NAGLU: variants seen among roughly 807,000 people sequenced by gnomAD.
The protein encoded by NAGLU is N-acetyl-alpha-glucosaminidase.
Under a neutral mutation model 43.4 loss-of-function variants are expected in NAGLU, and 34 were observed. The ratio of observed to expected loss-of-function variants is 0.78; its 90% CI spans 0.60 to 1.04. The LOEUF is 1.04. Ranked by LOEUF, NAGLU falls within the 50% of genes least tolerant of loss-of-function variation. NAGLU has a pLI of 0.00. For missense variants in NAGLU, 910 were observed against 993.7 expected, an observed-to-expected ratio of 0.92 and a Z score of 1.13; for synonymous variants, 425 against 437.6, an observed-to-expected ratio of 0.97 and a Z score of 0.36.
chr17:42,539,829 G>C (rs2092916873), intron 4 of NAGLU, among the ~76,000 whole-genome samples: 1 of 152,184 alleles, frequency 6.6e-6, no homozygotes, highest in Non-Finnish European at 1.5e-5. Flanking sequence ...AATGAGTGTT[G>C]CTTGGACGGA....
chr17:42,542,182 C>T (rs549434053), intron 5 of NAGLU, among the ~76,000 whole-genome samples: 1 of 152,242 alleles, frequency 6.6e-6, no homozygotes, highest in African/African-American at 2.4e-5. Flanking sequence ...CCTGCCTCAG[C>T]CTCCTGAGTA....
In NAGLU at chr17:42,536,320, C is replaced by CGGGGCCG. The variant is rs2143075344; in HGVS notation, c.54_60dup (p.Ala21ArgfsTer173). On this transcript the variant is annotated frameshift_variant, in exon 1 of 6. Transcript: ENST00000225927. LOFTEE classifies it high-confidence loss of function. ...CGGCGGTGGGGGTCCTTCTCCTGGC[C>CGGGGCCG]GGGGCCGGGGGCGCGGCAGGCGACG... 4.1e-6 allele frequency: 5 copies of CGGGGCCG among 1,217,716 alleles called. No homozygotes were observed. The highest frequency in any genetic ancestry group is 5.1e-6 in the Non-Finnish European group (5 of 979,366). 75.4% of individuals were successfully genotyped at this position (1,217,716 alleles called of 1,614,324 possible).
chr17:42,537,613 C>T (rs2092910360), intron 2 of NAGLU, 68 bp downstream of exon 2: 1 of 1,582,556 alleles, frequency 6.3e-7, no homozygotes, highest in African/African-American at 1.3e-5. Flanking sequence ...TTTCACCCGC[C>T]CCCCAGCATG....
At chr17:42,537,632 G>C in intron 2 of NAGLU, 87 bp downstream of exon 2, 1 of 1,540,320 alleles carries the variant, frequency 6.5e-7, no homozygotes, top group East Asian at 2.3e-5. Flanking sequence ...TGGGCGCAGT[G>C]TCTCTCTCTA....
Position 42,541,062 on chromosome 17 carries a change from A to G in NAGLU, c.877A>G (p.Ser293Gly). Residue 293 changes from serine to glycine, a missense_variant, in exon 5 of 6, where the codon AGC becomes GGC. By Grantham distance (56) the Ser-to-Gly change is moderately conservative (BLOSUM62 0). Coordinates refer to ENST00000225927, the MANE Select transcript of NAGLU (RefSeq NM_000263.4). Reference sequence around the variant, plus strand: ...AGACCCCATATTCCCCATCATCGGGAGCCTCTTCCTGCGAGAGCTGATCAA... The same window carrying G: ...AGACCCCATATTCCCCATCATCGGGGGCCTCTTCCTGCGAGAGCTGATCAA... ...PEDPIFPIIG[S>G]LFLRELIKEF... 6.2e-7 allele frequency: 1 copy of G among 1,614,104 alleles called. No individual in the cohort carries two copies. Among genetic ancestry groups the G allele is most frequent in the African/African-American group, 1.3e-5 (1 of 75,014 alleles).
rs1421818277 is a variant in NAGLU at position 42,536,332 on chromosome 17, C to T, written c.60C>T (p.Gly20=). Reference sequence around the variant, plus strand: ...TCCTTCTCCTGGCCGGGGCCGGGGGCGCGGCAGGCGACGAGGCCCGGGAGG... The same window carrying T: ...TCCTTCTCCTGGCCGGGGCCGGGGGTGCGGCAGGCGACGAGGCCCGGGAGG... ...VGVLLLAGAG[G]AAGDEAREAA... The change falls in exon 1 of 6, where the codon GGC becomes GGT. Residue 20 remains glycine (G), a synonymous_variant. Coordinates refer to ENST00000225927, the MANE Select transcript of NAGLU (RefSeq NM_000263.4). The T allele has an allele frequency of 8.2e-7, 1 of 1,213,624 alleles. No homozygotes were observed. Among genetic ancestry groups the T allele is most frequent in the Non-Finnish European group, 1.0e-6 (1 of 976,918 alleles). The allele number at this position is 1,213,624 out of a possible 1,614,324, so 75.2% of individuals were successfully genotyped here. A position where few individuals can be genotyped will look rare whatever the true frequency, so the allele number is the denominator to read the frequency against.
At position 42,543,506 on chromosome 17, in the gene NAGLU, T is replaced by C. The variant is rs1225039564; in HGVS notation, c.1500T>C (p.Ser500=). The C allele has an allele frequency of 1.2e-6, 2 of 1,604,338 alleles. No individual in the cohort carries two copies. Among genetic ancestry groups the C allele is most frequent in the Non-Finnish European group, 1.7e-6 (2 of 1,177,462 alleles). The change falls in exon 6 of 6, where the codon AGT becomes AGC. Residue 500 remains serine, a synonymous_variant. Coordinates refer to ENST00000225927, the MANE Select transcript of NAGLU (RefSeq NM_000263.4). ...AGAAWRLLLR[S]VYNCSGEACR... is the part of the protein sequence containing the mutation. ...CAGCGTGGAGGCTACTGCTCCGGAG[T>C]GTGTACAACTGCTCCGGGGAGGCCT...
chr17:42,544,213 C>G lies in NAGLU; in HGVS notation c.2207C>G (p.Pro736Arg). Residue 736 changes from proline (P) to arginine (R), a missense_variant, in exon 6 of 6, where the codon CCC becomes CGC. Pro to Arg is a moderately radical substitution (Grantham distance 103, BLOSUM62 -2). Coordinates refer to ENST00000225927, the MANE Select transcript of NAGLU (RefSeq NM_000263.4). ...LAKKIFLKYY[P>R]RWVAGSW ...AAGAAGATCTTCCTCAAATATTACC[C>G]CCGCTGGGTGGCCGGCTCTTGGTGA... 6.2e-7 allele frequency: 1 copy of G among 1,611,954 alleles called. No homozygotes were observed. Among genetic ancestry groups the G allele is most frequent in the Non-Finnish European group, 8.5e-7 (1 of 1,180,006 alleles).
intron 2 of NAGLU, 93 bp downstream of exon 2, chr17:42,537,638 C>A: frequency 1.3e-6 from 2 of 1,520,532 alleles, no homozygotes; most frequent in South Asian, 2.3e-5. Flanking sequence ...CAGTGTCTCT[C>A]TCTAGAAGTG....
intron 5 of NAGLU, 125 bp from the exon 6 acceptor site, chr17:42,542,896 AGCGTCCC>A: frequency 7.3e-7 from 1 of 1,372,622 alleles, no homozygotes; most frequent in South Asian, 1.2e-5. Context: ...TGTGCCACAG[AGCGTCCC>A]GCTGGTGGGG....
chr17:42,538,492 G>C lies in NAGLU; in HGVS notation c.678+7G>C. 6.2e-7 allele frequency: 1 copy of C among 1,613,964 alleles called. No individual in the cohort carries two copies. The highest frequency in any genetic ancestry group is 1.7e-5 in the Admixed American group (1 of 60,030). ...CAAGCAGCTTTACCTGCAGGTAAAA[G>C]GATGGAAAAGGGAAGGGGCAGAATC... On this transcript the variant is annotated splice_region_variant and intron_variant, in intron 3 of 5. Coordinates refer to ENST00000225927, the MANE Select transcript of NAGLU (RefSeq NM_000263.4).
Position 42,536,261 on chromosome 17 carries a change from A to T in NAGLU, c.-12A>T. 2 of 1,217,350 alleles carry T rather than the reference A, an allele frequency of 1.6e-6. No homozygotes were observed. Among genetic ancestry groups the T allele is most frequent in the Non-Finnish European group, 2.0e-6 (2 of 978,464 alleles). The allele number at this position is 1,217,350 out of a possible 1,614,324, so 75.4% of individuals were successfully genotyped here. On this transcript the variant is annotated 5_prime_UTR_variant, in exon 1 of 6. Coordinates refer to ENST00000225927, the MANE Select transcript of NAGLU (RefSeq NM_000263.4). The stretch of plus-strand genomic sequence containing the variant: ...ACCCCCTGGCCGTCGCGGGACCCGC[A>T]GGACTGAGACCATGGAGGCGGTGGC...
At chr17:42,538,121 G>A (rs918354272) in intron 2 of NAGLU, among the ~76,000 whole-genome samples, 9 of 152,160 alleles carry the variant, frequency 5.9e-5, no homozygotes, top group Non-Finnish European at 1.5e-5. Context: ...GCCCCTTTGT[G>A]CCCCATCTCC....
At position 42,543,526 on chromosome 17, in the gene NAGLU, A is replaced by T; in HGVS notation, c.1520A>T (p.Glu507Val). Residue 507 changes from glutamate (E) to valine (V), a missense_variant, in exon 6 of 6, where the codon GAG (glutamate) becomes GTG (valine). Coordinates refer to ENST00000225927, the MANE Select transcript of NAGLU (RefSeq NM_000263.4). ...LLRSVYNCSG[E>V]ACRGHNRSPL... The stretch of plus-strand genomic sequence containing the variant: ...CGGAGTGTGTACAACTGCTCCGGGG[A>T]GGCCTGCAGGGGCCACAATCGTAGC... 1 of 1,607,478 alleles carries T rather than the reference A, an allele frequency of 6.2e-7. No individual in the cohort carries two copies. Among genetic ancestry groups the T allele is most frequent in the South Asian group, 1.1e-5 (1 of 90,568 alleles).
Position 42,543,685 on chromosome 17 carries a change from T to C in NAGLU, c.1679T>C (p.Leu560Pro). 2.5e-6 allele frequency: 4 copies of C among 1,612,976 alleles called. No homozygotes were observed. The highest frequency in any genetic ancestry group is 3.4e-6 in the Non-Finnish European group (4 of 1,180,020). The change falls in exon 6 of 6, where the codon CTG becomes CCG. Residue 560 changes from leucine to proline, a missense_variant. Physicochemically the swap from Leu to Pro is moderately conservative, Grantham distance 98. Transcript: ENST00000225927. The part of the protein sequence containing the change: ...LATSPAFRYD[L>P]LDLTRQAVQE... ...ACCAGCCCCGCCTTCCGCTACGACC[T>C]GCTGGACCTCACTCGGCAGGCAGTG...
rs1042807533 is a variant in NAGLU, at chr17:42,539,435, C to G, written c.764+680C>G. Among the ~76,000 whole-genome samples the G allele has an allele frequency of 2.6e-5, 4 of 152,368 alleles. No homozygotes were observed. In the East Asian group the frequency reaches 7.7e-4, roughly 29 times the overall value. ...GGTTGGGAAAAGTCTTCAAGGCTCA[C>G]CTGAGACCTCCCCTCCTTCAGGAAG... On this transcript the variant is annotated intron_variant, in intron 4 of 5. Transcript: ENST00000225927.
At chr17:42,538,012 TG>T (rs1840242598) in intron 2 of NAGLU, among the ~76,000 whole-genome samples, 1 of 152,226 alleles carries the variant, frequency 6.6e-6, no homozygotes, top group African/African-American at 2.4e-5. Flanking sequence ...CTGCAATGGC[TG>T]CTCCAGGCTC....
In NAGLU at chr17:42,543,310, A is replaced by C. The variant is rs764815033; in HGVS notation, c.1304A>C (p.Asn435Thr). Residue 435 changes from asparagine (N) to threonine (T), a missense_variant, in exon 6 of 6, where the codon AAC becomes ACC. Physicochemically the swap from Asn to Thr is moderately conservative, Grantham distance 65. Transcript: ENST00000225927. ...CCAGAAGCTGCCCGCCTCTTCCCCA[A>C]CTCCACCATGGTAGGCACGGGCATG... is the stretch of plus-strand genomic sequence containing the variant. ...GGPEAARLFP[N>T]STMVGTGMAP... 8.7e-6 allele frequency: 14 copies of C among 1,613,430 alleles called. No individual in the cohort carries two copies. The Admixed American group carries it at 1.0e-4, about 12-fold the overall frequency.
intron 4 of NAGLU, among the ~76,000 whole-genome samples, chr17:42,540,502 C>G (rs8073150): frequency 0.35 from 53,665 of 151,372 alleles, 10,273 homozygotes; most frequent in East Asian, 0.57. Context: ...CGAGACCATC[C>G]TGGCTAACAC....
Sources: allele counts gnomAD v4.1 joint callset (sites outside exome capture counted in the v4.1 genomes callset), GRCh38; gene constraint gnomAD v4.1.1; transcripts MANE v1.5; gene names NCBI Gene and HGNC (gene_info 2026-07-23, HGNC 2026-07-21).